Variants in ELAVL2 observed in about 807,000 individuals in gnomAD.
ELAVL2 encodes the protein ELAV like RNA binding protein 2.
In ELAVL2, 4 loss-of-function variants were observed where a neutral mutation model predicts 34.6. The ratio of observed to expected loss-of-function variants is 0.12; its 90% confidence interval spans 0.06 to 0.26. ELAVL2 has a LOEUF of 0.26. ELAVL2 is among the 10% of genes least tolerant of loss of function. The pLI is 1.00. For synonymous variants in ELAVL2, 193 were observed against 154.8 expected, an observed-to-expected ratio of 1.25 and a Z score of -1.83; for missense variants, 432 against 442.8, an observed-to-expected ratio of 0.98 and a Z score of 0.22.
At position 23,692,463 on chromosome 9, in the gene ELAVL2, G is replaced by A. The variant is rs748383975; in HGVS notation, c.*94C>T. ...GTCATTTTATCCCCATCTCAACACT[G>A]ACTTACAAAGACATTTACTAATGTA... On this transcript the variant is annotated 3_prime_UTR_variant, in exon 7 of 7. Transcript: ENST00000397312. 16 of 1,319,990 alleles carry A rather than the reference G, an allele frequency of 1.2e-5. No individual in the cohort carries two copies. Among genetic ancestry groups the A allele is most frequent in the Non-Finnish European group, 1.5e-5 (15 of 976,798 alleles). 81.8% of individuals were successfully genotyped at this position (1,319,990 alleles called of 1,614,324 possible). A position where few individuals can be genotyped will look rare whatever the true frequency, so the allele number is the denominator to read the frequency against.
At chr9:23,736,315 A>G (rs1440483306) in intron 2 of ELAVL2, among the ~76,000 whole-genome samples, 1 of 152,222 alleles carries the variant, frequency 6.6e-6, no homozygotes, top group African/African-American at 2.4e-5. Context: ...TTTCTCATCT[A>G]CAATAAGCAT....
upstream of ELAVL2, chr9:23,829,627 T>A (rs1588889532): frequency 6.6e-6 from 1 of 152,302 alleles, no homozygotes; most frequent in African/African-American, 2.4e-5. Flanking sequence ...AATACAGATA[T>A]CATATATCTT....
chr9:23,750,014 G>C (rs1284575666), intron 2 of ELAVL2, among the ~76,000 whole-genome samples: 2 of 145,172 alleles, frequency 1.4e-5, no homozygotes, highest in Non-Finnish European at 3.0e-5. Flanking sequence ...GCCTCCAAGG[G>C]TACTGTCTTA....
At chr9:23,788,084 G>C (rs139947334) in intron 1 of ELAVL2, among the ~76,000 whole-genome samples, 1 of 152,224 alleles carries the variant, frequency 6.6e-6, no homozygotes, top group African/African-American at 2.4e-5. Flanking sequence ...TAAGACTGTA[G>C]GTAAGAAGGG....
At chr9:23,848,619 T>A in the ELAVL2 span, among the ~76,000 whole-genome samples, 5 of 152,206 alleles carry the variant, frequency 3.3e-5, no homozygotes, top group Non-Finnish European at 5.9e-5. Context: ...TTAAAATATA[T>A]GCCCGCTAAA....
rs147413301 is a variant in ELAVL2 at position 23,748,403 on chromosome 9, C to T, written c.229+13603G>A. On this transcript the variant is annotated intron_variant, in intron 2 of 6. Transcript: ENST00000397312. ...CCACACGGATGTTTGTCCCTGGATG[C>T]TCTGACTCTCTGGGAGAAAAGAGTA... Among the ~76,000 whole-genome samples, 6 of 152,226 alleles carry T rather than the reference C, an allele frequency of 3.9e-5. No homozygotes were observed. The East Asian group carries it at 1.2e-3, about 29-fold the overall frequency.
At position 23,766,893 on chromosome 9, in the gene ELAVL2, C is replaced by T. The variant is rs902530770; in HGVS notation, c.-15-4644G>A. Reference sequence around the variant, plus strand: ...AGATTCCACTGGCTCTGAAACTCTTCGGAAAGAAAAAAAAGGCCATATTCC... The same window carrying T: ...AGATTCCACTGGCTCTGAAACTCTTTGGAAAGAAAAAAAAGGCCATATTCC... On this transcript the variant is annotated intron_variant, in intron 1 of 6. Transcript: ENST00000397312. Among the ~76,000 whole-genome samples, 16 of 151,182 alleles carry T rather than the reference C, an allele frequency of 1.1e-4. No individual in the cohort carries two copies. In the East Asian group the frequency reaches 1.7e-3, roughly 16 times the overall value.
At chr9:23,799,148 C>G (rs138903147) in intron 1 of ELAVL2, among the ~76,000 whole-genome samples, 51 of 152,266 alleles carry the variant, frequency 3.3e-4, no homozygotes, top group African/African-American at 1.2e-3. Flanking sequence ...TGCAATCTCA[C>G]AGAAGCTTTT....
At chr9:23,728,395 T>C (rs1330018500) in intron 3 of ELAVL2, among the ~76,000 whole-genome samples, 3 of 152,076 alleles carry the variant, frequency 2.0e-5, no homozygotes, top group African/African-American at 4.8e-5. Context: ...TGCAAAAGCA[T>C]ATGCATGGAC....
chr9:23,726,138 G>A lies in ELAVL2; in HGVS notation c.333+4884C>T, dbSNP rs181729160. On this transcript the variant is annotated intron_variant, in intron 3 of 6. Coordinates refer to ENST00000397312, the MANE Select transcript of ELAVL2 (RefSeq NM_004432.5). ...GAAAGGATAAGCTAGTTAGAAAAAG[G>A]TATAAATTTAACAAAAAGTTAATGG... is the stretch of plus-strand genomic sequence containing the variant. 2.0e-5 allele frequency among the ~76,000 whole-genome samples: 3 copies of A among 152,020 alleles called. No homozygotes were observed. In the East Asian group the frequency reaches 5.8e-4, roughly 29 times the overall value.
rs2033035194 is a variant in ELAVL2 at position 23,691,135 on chromosome 9, A to G, written c.*1422T>C. On this transcript the variant is annotated 3_prime_UTR_variant, in exon 7 of 7. Coordinates refer to ENST00000397312, the MANE Select transcript of ELAVL2 (RefSeq NM_004432.5). ...AACAAATCTGATGCACTGTAAATTC[A>G]AGTCCTCAGGACAACAAAAGTGATT... 1 of 152,584 alleles carries G rather than the reference A, an allele frequency of 6.6e-6. No individual in the cohort carries two copies. Among genetic ancestry groups the G allele is most frequent in the Admixed American group, 6.5e-5 (1 of 15,272 alleles). 9.5% of individuals were successfully genotyped at this position (152,584 alleles called of 1,614,324 possible).
intron 1 of ELAVL2, among the ~76,000 whole-genome samples, chr9:23,803,713 C>T (rs1375651812): frequency 6.6e-6 from 1 of 151,890 alleles, no homozygotes. Context: ...GAGTACACCA[C>T]ACTTAATCCT....
chr9:23,705,848 T>C (rs895175249), intron 3 of ELAVL2, among the ~76,000 whole-genome samples: 1 of 152,092 alleles, frequency 6.6e-6, no homozygotes, highest in Non-Finnish European at 1.5e-5. Flanking sequence ...TGGCCAGGGG[T>C]TGGGAACACC....
At chr9:23,698,210 A>G (rs998776197) in intron 5 of ELAVL2, among the ~76,000 whole-genome samples, 3 of 152,344 alleles carry the variant, frequency 2.0e-5, no homozygotes, top group Middle Eastern at 3.4e-3. Context: ...AATTTGGCTT[A>G]AAGTTTAATT....
intron 1 of ELAVL2, among the ~76,000 whole-genome samples, chr9:23,808,607 A>C (rs889403216): frequency 6.6e-6 from 1 of 152,172 alleles, no homozygotes; most frequent in African/African-American, 2.4e-5. Flanking sequence ...ATAAAATGTT[A>C]AATGCTAGGA....
At chr9:23,832,254 A>AATCT in the ELAVL2 span, 4 of 152,166 alleles carry the variant, frequency 2.6e-5, no homozygotes, top group Non-Finnish European at 5.9e-5. Flanking sequence ...CACAGGAAAG[A>AATCT]ATCTACATAG....
At chr9:23,759,754 T>TCATATATATATATA (rs1554719969) in intron 2 of ELAVL2, among the ~76,000 whole-genome samples, 1 of 81,344 alleles carries the variant, frequency 1.2e-5, no homozygotes, top group Non-Finnish European at 2.5e-5. Context: ...ATATATAGTA[T>TCATATATATATATA]TATATATATA....
intron 3 of ELAVL2, among the ~76,000 whole-genome samples, chr9:23,713,722 G>C (rs973067334): frequency 6.6e-6 from 1 of 152,124 alleles, no homozygotes; most frequent in African/African-American, 2.4e-5. Context: ...TGTTAGCTTA[G>C]CACCAGGTTC....
At chr9:23,777,798 C>T (rs2058458705) in intron 1 of ELAVL2, among the ~76,000 whole-genome samples, 1 of 152,180 alleles carries the variant, frequency 6.6e-6, no homozygotes, top group Non-Finnish European at 1.5e-5. Flanking sequence ...TAAGTAACTT[C>T]TTGCTCTAAC....
Sources: allele counts gnomAD v4.1 joint callset (sites outside exome capture counted in the v4.1 genomes callset), GRCh38; gene constraint gnomAD v4.1.1; transcripts MANE v1.5; gene names NCBI Gene and HGNC (gene_info 2026-07-23, HGNC 2026-07-21).